FTCDNL1: variants seen among roughly 807,000 people sequenced by gnomAD.
FTCDNL1 encodes the protein formiminotransferase N-terminal subdomain-containing protein.
Under a neutral mutation model 5.9 loss-of-function variants are expected in FTCDNL1, and 11 were observed. That is an observed-to-expected ratio of 1.87 (90% CI 1.18 to 3.10). The LOEUF (loss-of-function observed/expected upper bound fraction) is 3.10. Ranked by LOEUF, FTCDNL1 falls within the 30% of genes most tolerant of loss-of-function variation. The pLI is 0.00. For synonymous variants in FTCDNL1, 58 were observed against 24.8 expected (o/e 2.34, Z -3.99); for missense variants, 115 against 65.5 (o/e 1.76, Z -2.61).
At chr2:199,696,717 C>A in the FTCDNL1 span, among the ~76,000 whole-genome samples, 2 of 152,060 alleles carry the variant, frequency 1.3e-5, no homozygotes, top group Non-Finnish European at 2.9e-5. Context: ...TGAACTAGTG[C>A]AAAAACTCTG....
intron 3 of FTCDNL1, among the ~76,000 whole-genome samples, chr2:199,793,421 C>G (rs1223158023): frequency 2.0e-5 from 3 of 151,874 alleles, no homozygotes; most frequent in African/African-American, 7.3e-5. Context: ...ATATGACTAC[C>G]CATCATCAAT....
rs527481616 is a variant in FTCDNL1 at position 199,762,206 on chromosome 2, C to T, written c.212-1371G>A. On this transcript the variant is annotated intron_variant, in intron 3 of 3. Coordinates refer to the FTCDNL1 transcript ENST00000416668. ...CCAGCCTGCCCAATATAGTGAAACC[C>T]CATCTCTACTAAAAATACAAAAATT... Among the ~76,000 whole-genome samples, 15 of 152,222 alleles carry T rather than the reference C, an allele frequency of 9.9e-5. 1 individual carries two copies. In the South Asian group the frequency reaches 3.1e-3, roughly 32 times the overall value.
chr2:199,809,985 A>C lies in FTCDNL1; in HGVS notation c.*2720T>G, dbSNP rs755031563. 6.6e-6 allele frequency among the ~76,000 whole-genome samples: 1 copy of C among 152,076 alleles called. No homozygotes were observed. The highest frequency in any genetic ancestry group is 1.5e-5 in the Non-Finnish European group (1 of 68,020). On this transcript the variant is annotated 3_prime_UTR_variant, in exon 5 of 5. Coordinates refer to ENST00000420128, the MANE Select transcript of FTCDNL1 (RefSeq NM_001363886.2). ...CTGATAATATTTTTTTCCATAACAA[A>C]AGTATTTAGGCTATAATCAGGTAAC...
intron 3 of FTCDNL1, among the ~76,000 whole-genome samples, chr2:199,769,515 T>C (rs1251521091): frequency 6.6e-6 from 1 of 152,146 alleles, no homozygotes; most frequent in African/African-American, 2.4e-5. Context: ...GTCAATTAAA[T>C]CTCTTTCCTT....
At chr2:199,751,843 C>T in the FTCDNL1 span, among the ~76,000 whole-genome samples, 5 of 151,498 alleles carry the variant, frequency 3.3e-5, no homozygotes, top group African/African-American at 7.3e-5. Context: ...AACTTTATCT[C>T]CCTCTCACCA....
At chr2:199,816,052 A>G (rs1273887588) in intron 4 of FTCDNL1, among the ~76,000 whole-genome samples, 3 of 152,088 alleles carry the variant, frequency 2.0e-5, no homozygotes, top group Non-Finnish European at 4.4e-5. Flanking sequence ...TTTCTGGATT[A>G]TTTTTTAAGG....
the FTCDNL1 span, among the ~76,000 whole-genome samples, chr2:199,672,548 C>T: frequency 2.6e-5 from 4 of 151,944 alleles, no homozygotes; most frequent in African/African-American, 9.7e-5. Context: ...AATTTGGGAG[C>T]AGGGTAGCTG....
At chr2:199,717,942 A>G in the FTCDNL1 span, among the ~76,000 whole-genome samples, 9 of 151,398 alleles carry the variant, frequency 5.9e-5, no homozygotes, top group South Asian at 1.7e-3. Context: ...GGCAGGAGCA[A>G]TGCCATCATC....
the FTCDNL1 span, among the ~76,000 whole-genome samples, chr2:199,704,478 A>T: frequency 5.3e-5 from 8 of 152,142 alleles, no homozygotes; most frequent in African/African-American, 1.9e-4. Context: ...CTAAAGTCAC[A>T]GAAAGAGAAA....
chr2:199,775,936 C>A (rs188042751), intron 3 of FTCDNL1, among the ~76,000 whole-genome samples: 3,067 of 132,030 alleles, frequency 0.023, 97 homozygotes, highest in African/African-American at 0.081. Flanking sequence ...TTTTTTGAGA[C>A]GGAGTCTCGC....
At chr2:199,695,949 C>T in the FTCDNL1 span, among the ~76,000 whole-genome samples, 2 of 152,242 alleles carry the variant, frequency 1.3e-5, no homozygotes, top group Admixed American at 6.5e-5. Flanking sequence ...TGAGCACCCT[C>T]CTGTCTGCTG....
At chr2:199,731,867 G>A in the FTCDNL1 span, among the ~76,000 whole-genome samples, 3 of 149,426 alleles carry the variant, frequency 2.0e-5, no homozygotes, top group African/African-American at 5.0e-5. Flanking sequence ...CAGCCTGGGC[G>A]ACAGAGCGAG....
intron 3 of FTCDNL1, among the ~76,000 whole-genome samples, chr2:199,790,241 T>C (rs530060865): frequency 4.6e-5 from 7 of 152,148 alleles, no homozygotes; most frequent in Non-Finnish European, 8.8e-5. Context: ...CTCATGCCTG[T>C]AATCCCAGCA....
At chr2:199,670,401 C>G in the FTCDNL1 span, among the ~76,000 whole-genome samples, 2 of 152,014 alleles carry the variant, frequency 1.3e-5, no homozygotes, top group African/African-American at 2.4e-5. Flanking sequence ...AAGTAGAAAC[C>G]CTGATTATTT....
At chr2:199,713,665 A>G in the FTCDNL1 span, among the ~76,000 whole-genome samples, 17 of 152,192 alleles carry the variant, frequency 1.1e-4, no homozygotes, top group Non-Finnish European at 2.5e-4. Context: ...GTCTTATAAT[A>G]TTTGCACATT....
intron 3 of FTCDNL1, among the ~76,000 whole-genome samples, chr2:199,831,991 T>C (rs1032343449): frequency 2.0e-5 from 3 of 152,142 alleles, no homozygotes; most frequent in Non-Finnish European, 2.9e-5. Flanking sequence ...TAAAATAACA[T>C]ACAATTTCAT....
At chr2:199,841,858 A>C (rs1388539663) in intron 3 of FTCDNL1, among the ~76,000 whole-genome samples, 1 of 152,162 alleles carries the variant, frequency 6.6e-6, no homozygotes, top group East Asian at 1.9e-4. Context: ...AGGCAGAGTG[A>C]TCTTTCTAAA....
At chr2:199,803,711 G>T (rs1039425858) in intron 3 of FTCDNL1, among the ~76,000 whole-genome samples, 2 of 152,118 alleles carry the variant, frequency 1.3e-5, no homozygotes, top group Non-Finnish European at 2.9e-5. Context: ...TGATCTTCCT[G>T]CCTGGGCCTC....
chr2:199,827,537 G>T (rs979240450), intron 3 of FTCDNL1, among the ~76,000 whole-genome samples: 1 of 151,980 alleles, frequency 6.6e-6, no homozygotes, highest in Non-Finnish European at 1.5e-5. Context: ...GAAAATATTC[G>T]AATTGCTTAG....
Sources: allele counts gnomAD v4.1 joint callset (sites outside exome capture counted in the v4.1 genomes callset), GRCh38; gene constraint gnomAD v4.1.1; transcripts MANE v1.5; gene names NCBI Gene and HGNC (gene_info 2026-07-23, HGNC 2026-07-21).